FAM120A: variants seen among roughly 807,000 people sequenced by gnomAD.
FAM120A encodes constitutive coactivator of PPAR-gamma-like protein 1.
Under a neutral mutation model 109.7 loss-of-function variants are expected in FAM120A, and 15 were observed. The ratio of observed to expected loss-of-function variants is 0.14; its 90% CI spans 0.09 to 0.21. The LOEUF (loss-of-function observed/expected upper bound fraction) is 0.21. Among genes scored for constraint, FAM120A ranks in the 10% least tolerant of loss-of-function variants. The pLI is 1.00. For missense variants in FAM120A, 899 were observed against 1,439.3 expected, an observed-to-expected ratio of 0.62 and a Z score of 6.07; for synonymous variants, 493 against 572.8, an observed-to-expected ratio of 0.86 and a Z score of 1.99.
chr9:93,504,932 A>G (rs778282011), intron 5 of FAM120A, among the ~76,000 whole-genome samples: 6 of 151,606 alleles, frequency 4.0e-5, no homozygotes, highest in African/African-American at 7.3e-5. Context: ...TTATGAAACT[A>G]TATCCTGTAA....
At chr9:93,552,886 A>G (rs566154019) in intron 12 of FAM120A, among the ~76,000 whole-genome samples, 4 of 152,176 alleles carry the variant, frequency 2.6e-5, no homozygotes, top group African/African-American at 9.6e-5. Flanking sequence ...CTCTTCTCCC[A>G]TTTATCGTCC....
Position 93,498,926 on chromosome 9 carries a change from A to G in FAM120A, c.1030+40A>G, listed in dbSNP as rs1338915359. On this transcript the variant is annotated intron_variant, in intron 5 of 17. Coordinates refer to ENST00000277165, the MANE Select transcript of FAM120A (RefSeq NM_014612.5). This position sits in a 1 kb window ranked among gnomAD's most constrained non-coding sequence, Gnocchi z 4.4. ...GCCTGTGATCAATATTGACCATATG[A>G]TAATCCAAGTAGGTTTAAATATTCA... The G allele has an allele frequency of 8.7e-7, 1 of 1,144,590 alleles. No individual in the cohort carries two copies. Among genetic ancestry groups the G allele is most frequent in the South Asian group, 1.2e-5 (1 of 80,612 alleles). The allele number at this position is 1,144,590 out of a possible 1,614,324, so 70.9% of individuals were successfully genotyped here.
Position 93,556,604 on chromosome 9 carries a change from G to A in FAM120A, c.2484+13G>A, listed in dbSNP as rs754518920. 6.2e-6 allele frequency: 10 copies of A among 1,613,112 alleles called. No homozygotes were observed. In the Admixed American group the frequency reaches 1.7e-4, roughly 27 times the overall value. The stretch of plus-strand genomic sequence containing the variant: ...CTGTGATGGTCAGGTATGCTGCGGG[G>A]CCGGGTGGCTGCCTTTAACTGCAAT... On this transcript the variant is annotated intron_variant, in intron 13 of 17. Coordinates refer to ENST00000277165, the MANE Select transcript of FAM120A (RefSeq NM_014612.5).
At chr9:93,526,548 T>G (rs1402818827) in intron 7 of FAM120A, among the ~76,000 whole-genome samples, 1 of 151,976 alleles carries the variant, frequency 6.6e-6, no homozygotes. Flanking sequence ...AAAGCCATCC[T>G]CCAAATAAGT....
chr9:93,453,701 T>G (rs1051367000), intron 1 of FAM120A: 1 of 898,264 alleles, frequency 1.1e-6, no homozygotes, highest in African/African-American at 1.8e-5. Flanking sequence ...GACACACAGC[T>G]GCCATTCCTC....
At chr9:93,518,372 C>G (rs888044538) in intron 7 of FAM120A, among the ~76,000 whole-genome samples, 2 of 152,050 alleles carry the variant, frequency 1.3e-5, no homozygotes, top group Non-Finnish European at 2.9e-5. Context: ...ATAATGTGCC[C>G]CTTAGGCTGT....
intron 7 of FAM120A, among the ~76,000 whole-genome samples, chr9:93,520,651 G>T (rs374046863): frequency 2.5e-4 from 38 of 152,324 alleles, no homozygotes; most frequent in African/African-American, 8.9e-4. Flanking sequence ...GTGGAGATTT[G>T]CTCTGTGCCT....
chr9:93,562,539 C>A (rs1862502686), intron 17 of FAM120A, among the ~76,000 whole-genome samples: 1 of 152,204 alleles, frequency 6.6e-6, no homozygotes, highest in African/African-American at 2.4e-5. Context: ...TTTGCCATGA[C>A]CCTGTGTCTC....
chr9:93,556,337 C>G, intron 12 of FAM120A, 45 bp from the exon 13 acceptor site: 2 of 1,480,750 alleles, frequency 1.4e-6, no homozygotes, highest in Non-Finnish European at 1.9e-6. Flanking sequence ...GAATTTAATA[C>G]TGTAGTACTC....
rs1313726558 is a variant in FAM120A, at chr9:93,452,506, A to C, written c.474+117A>C. ...GGCGCTGGGGGCAGCGAGTTCCCCCAGCCCTTGCCCGGGATAGCCTGGCCG... is the reference window on the plus strand; with the variant it reads ...GGCGCTGGGGGCAGCGAGTTCCCCCCGCCCTTGCCCGGGATAGCCTGGCCG... On this transcript the variant is annotated intron_variant, in intron 1 of 17. Transcript: ENST00000277165. This position sits in a 1 kb window ranked among gnomAD's most constrained non-coding sequence, Gnocchi z 7.0. 1 of 1,548,754 alleles carries C rather than the reference A, an allele frequency of 6.5e-7. No individual in the cohort carries two copies. Among genetic ancestry groups the C allele is most frequent in the Non-Finnish European group, 8.7e-7 (1 of 1,152,310 alleles).
rs571873759 is a variant in FAM120A at position 93,548,102 on chromosome 9, T to TA, written c.2160-2463dup. On this transcript the variant is annotated intron_variant, in intron 11 of 17. Transcript: ENST00000277165. ...ATCTGCAATACAGTCTTTTTCTGAT[T>TA]AAAAAAAAAAAATTTTTTTTTGAGA... Among the ~76,000 whole-genome samples the TA allele has an allele frequency of 1.6e-3, 245 of 148,938 alleles. 1 individual carries two copies. Among genetic ancestry groups the TA allele is most frequent in the Non-Finnish European group, 2.6e-3 (175 of 67,008 alleles).
At chr9:93,557,258 T>C (rs1158781703) in intron 13 of FAM120A, among the ~76,000 whole-genome samples, 2 of 151,832 alleles carry the variant, frequency 1.3e-5, no homozygotes, top group African/African-American at 2.4e-5. Context: ...GCCTCCCTAG[T>C]AGCTGGAATT....
intron 1 of FAM120A, among the ~76,000 whole-genome samples, chr9:93,455,355 G>A (rs2131188773): frequency 1.3e-5 from 2 of 152,282 alleles, no homozygotes; most frequent in South Asian, 4.1e-4. Flanking sequence ...GGGGAAGGAT[G>A]TACACATAAA....
chr9:93,520,321 C>T (rs931917334), intron 7 of FAM120A, among the ~76,000 whole-genome samples: 1 of 152,136 alleles, frequency 6.6e-6, no homozygotes, highest in Non-Finnish European at 1.5e-5. Flanking sequence ...CTGTGAATGG[C>T]CAATGCGCTC....
chr9:93,464,372 T>C (rs1009616786), intron 1 of FAM120A, among the ~76,000 whole-genome samples: 2 of 152,222 alleles, frequency 1.3e-5, no homozygotes, highest in Non-Finnish European at 2.9e-5. Flanking sequence ...TAAATCGAAG[T>C]ACAGAGTACT....
intron 5 of FAM120A, among the ~76,000 whole-genome samples, chr9:93,503,847 A>G (rs970255038): frequency 1.3e-5 from 2 of 151,860 alleles, no homozygotes; most frequent in Non-Finnish European, 2.9e-5. Context: ...AAGTATATAT[A>G]TATATATTTT....
At chr9:93,557,069 C>T (rs963354406) in intron 13 of FAM120A, among the ~76,000 whole-genome samples, 1 of 151,890 alleles carries the variant, frequency 6.6e-6, no homozygotes, top group African/African-American at 2.4e-5. Flanking sequence ...CATTTAGGAA[C>T]ACCAGACAGC....
rs1305158915 is a variant in FAM120A, at chr9:93,481,627, C to T, written c.804+5289C>T. 2.0e-5 allele frequency among the ~76,000 whole-genome samples: 3 copies of T among 152,296 alleles called. No homozygotes were observed. The East Asian group carries it at 5.8e-4, about 29-fold the overall frequency. On this transcript the variant is annotated intron_variant, in intron 3 of 17. Coordinates refer to ENST00000277165, the MANE Select transcript of FAM120A (RefSeq NM_014612.5). ...TTTGTGATGGCCAAGTATTCCCAACCACTGAGCCCTTCGAGCTCCTTTTGC... is the reference window on the plus strand; with the variant it reads ...TTTGTGATGGCCAAGTATTCCCAACTACTGAGCCCTTCGAGCTCCTTTTGC...
At chr9:93,479,526 C>A (rs115431170) in intron 3 of FAM120A, among the ~76,000 whole-genome samples, 1 of 152,120 alleles carries the variant, frequency 6.6e-6, no homozygotes. Flanking sequence ...TGCAAAGTCA[C>A]GTGTCCTTAA....
Sources: gnomAD v4.1 joint callset for allele counts (sites outside exome capture counted in the v4.1 genomes callset) on GRCh38, gnomAD v4.1.1 for gene constraint, Gnocchi (gnomAD v3.1) non-coding constraint, MANE v1.5 for transcripts, NCBI Gene and HGNC (gene_info 2026-07-23, HGNC 2026-07-21) for gene names.